The following LRRC4C variants were observed in gnomAD, a reference collection of about 807,000 sequenced individuals.
LRRC4C encodes the protein leucine rich repeat containing 4C, also known as leucine-rich repeat-containing protein 4C.
Under a neutral mutation model 33.6 loss-of-function variants are expected in LRRC4C, and 5 were observed. That is an observed-to-expected ratio of 0.15 (90% CI 0.08 to 0.31). LRRC4C has a LOEUF of 0.31. LRRC4C is among the 10% of genes least tolerant of loss of function. The pLI is 1.00. For synonymous variants in LRRC4C, 329 were observed against 302.0 expected (o/e 1.09, Z -0.93); for missense variants, 560 against 796.7 (o/e 0.70, Z 3.58).
intron 3 of LRRC4C, among the ~76,000 whole-genome samples, chr11:40,614,843 A>G (rs1961607795): frequency 6.6e-6 from 1 of 151,708 alleles, no homozygotes; most frequent in African/African-American, 2.4e-5. Context: ...CAGATGGAAC[A>G]CACACAACAT....
intron 1 of LRRC4C, among the ~76,000 whole-genome samples, chr11:41,159,669 G>A (rs988231697): frequency 5.3e-5 from 8 of 152,102 alleles, no homozygotes; most frequent in Non-Finnish European, 1.2e-4. Context: ...CGACTCTCAT[G>A]TGAGGAATAT....
intron 1 of LRRC4C, among the ~76,000 whole-genome samples, chr11:41,040,609 T>G (rs1471079469): frequency 6.6e-6 from 1 of 152,176 alleles, no homozygotes; most frequent in Non-Finnish European, 1.5e-5. Context: ...CCTCCATACT[T>G]TAGCCAAGAA....
At chr11:40,188,915 A>G (rs556248563) in intron 5 of LRRC4C, among the ~76,000 whole-genome samples, 1 of 152,348 alleles carries the variant, frequency 6.6e-6, no homozygotes, top group South Asian at 2.1e-4. Context: ...TTTAAGGAAT[A>G]AATTTTGGCA....
intron 1 of LRRC4C, among the ~76,000 whole-genome samples, chr11:41,096,556 T>C (rs1003987770): frequency 2.0e-5 from 3 of 152,120 alleles, no homozygotes; most frequent in Admixed American, 6.6e-5. Context: ...TTGGCAGCAA[T>C]TGAGTTGGTG....
chr11:41,148,510 A>G (rs1024330460), intron 1 of LRRC4C, among the ~76,000 whole-genome samples: 7 of 152,158 alleles, frequency 4.6e-5, no homozygotes, highest in Non-Finnish European at 1.0e-4. Flanking sequence ...TATGGAGTTA[A>G]TCTTCAATAG....
chr11:41,368,321 A>G (rs954821815), intron 1 of LRRC4C, among the ~76,000 whole-genome samples: 6 of 152,110 alleles, frequency 3.9e-5, no homozygotes, highest in Non-Finnish European at 8.8e-5. Flanking sequence ...TCGCTCTAAG[A>G]CTTCCCTCTT....
intron 2 of LRRC4C, among the ~76,000 whole-genome samples, chr11:40,675,778 G>A (rs1349784465): frequency 6.6e-6 from 1 of 152,122 alleles, no homozygotes; most frequent in African/African-American, 2.4e-5. Flanking sequence ...GAATGCCTAG[G>A]TATCTTTCTG....
intron 2 of LRRC4C, among the ~76,000 whole-genome samples, chr11:40,911,295 C>T (rs1347792776): frequency 2.0e-5 from 3 of 152,162 alleles, no homozygotes; most frequent in Non-Finnish European, 2.9e-5. Flanking sequence ...GAGGCACCCC[C>T]GAGTAGGGGC....
At chr11:41,327,608 A>G (rs1951161414) in intron 1 of LRRC4C, among the ~76,000 whole-genome samples, 1 of 151,998 alleles carries the variant, frequency 6.6e-6, no homozygotes, top group Admixed American at 6.6e-5. Flanking sequence ...CATCAGGAGG[A>G]ATGTTAGTGA....
At chr11:40,519,744 A>C (rs984447484) in intron 3 of LRRC4C, among the ~76,000 whole-genome samples, 2 of 152,196 alleles carry the variant, frequency 1.3e-5, no homozygotes, top group Non-Finnish European at 2.9e-5. Context: ...TCATGGGAAG[A>C]GGTAATAGTA....
intron 5 of LRRC4C, among the ~76,000 whole-genome samples, chr11:40,186,485 G>A (rs953222729): frequency 3.3e-5 from 5 of 152,132 alleles, no homozygotes; most frequent in African/African-American, 1.2e-4. Flanking sequence ...TGTTGGGGCT[G>A]TGAAAAACAA....
intron 2 of LRRC4C, among the ~76,000 whole-genome samples, chr11:40,660,341 G>A (rs1943370494): frequency 1.3e-5 from 2 of 152,188 alleles, no homozygotes; most frequent in South Asian, 2.1e-4. Context: ...AGCCTGCTGG[G>A]CCAAGTGGGC....
intron 1 of LRRC4C, among the ~76,000 whole-genome samples, chr11:41,342,875 G>A (rs1951685738): frequency 6.6e-6 from 1 of 152,152 alleles, no homozygotes; most frequent in African/African-American, 2.4e-5. Flanking sequence ...CAAAGTTCTG[G>A]AGGCCAGAAG....
chr11:40,992,859 T>C (rs1310309711), intron 1 of LRRC4C, among the ~76,000 whole-genome samples: 1 of 152,164 alleles, frequency 6.6e-6, no homozygotes, highest in African/African-American at 2.4e-5. Context: ...AATCCTGACA[T>C]ACCATAGAAA....
chr11:40,778,832 A>C (rs1454827936), intron 2 of LRRC4C, among the ~76,000 whole-genome samples: 3 of 151,796 alleles, frequency 2.0e-5, no homozygotes, highest in Non-Finnish European at 4.4e-5. Context: ...AAGGATATCC[A>C]ATGGTACCTA....
chr11:41,098,197 T>C (rs749725157), intron 1 of LRRC4C, among the ~76,000 whole-genome samples: 2 of 152,096 alleles, frequency 1.3e-5, no homozygotes, highest in Non-Finnish European at 2.9e-5. Context: ...TCTGAGAAGA[T>C]AGGCATATGA....
intron 1 of LRRC4C, among the ~76,000 whole-genome samples, chr11:40,939,210 AAT>A (rs1324811971): frequency 3.9e-5 from 6 of 152,144 alleles, no homozygotes; most frequent in African/African-American, 1.4e-4. Context: ...TGCTGTTTAA[AAT>A]ATGAATTTTG....
At chr11:41,004,653 T>A (rs1047355247) in intron 1 of LRRC4C, among the ~76,000 whole-genome samples, 11 of 152,186 alleles carry the variant, frequency 7.2e-5, no homozygotes, top group African/African-American at 2.4e-4. Context: ...AGTAGTTGAC[T>A]TATTGTAGGT....
At chr11:41,232,689 C>T (rs867615248) in intron 1 of LRRC4C, among the ~76,000 whole-genome samples, 25 of 151,370 alleles carry the variant, frequency 1.7e-4, no homozygotes, top group African/African-American at 6.1e-4. Flanking sequence ...ATGAATTATA[C>T]TTTTGAAATA....
Sources: allele counts gnomAD v4.1 joint callset (sites outside exome capture counted in the v4.1 genomes callset), GRCh38; gene constraint gnomAD v4.1.1; transcripts MANE v1.5; gene names NCBI Gene and HGNC (gene_info 2026-07-23, HGNC 2026-07-21).